Variants in PHLDB2 observed in about 807,000 individuals in gnomAD.
The protein encoded by PHLDB2 is pleckstrin homology-like domain family B member 2.
PHLDB2 carries 71 observed loss-of-function variants against 123.6 expected under a neutral mutation model. That is an observed-to-expected ratio of 0.57 (90% CI 0.47 to 0.70). The LOEUF is 0.70. Ranked by LOEUF, PHLDB2 falls within the 30% of genes least tolerant of loss-of-function variation. The pLI is 0.00. For synonymous variants in PHLDB2, 547 were observed against 541.6 expected (o/e 1.01, Z -0.14); for missense variants, 1,446 against 1,519.5 (o/e 0.95, Z 0.80).
chr3:111,873,269 T>C (rs775152214), intron 1 of PHLDB2, among the ~76,000 whole-genome samples: 3 of 152,232 alleles, frequency 2.0e-5, no homozygotes, highest in Non-Finnish European at 4.4e-5. Flanking sequence ...TCATAGTTTC[T>C]GGTTTTTAGA....
chr3:111,859,261 C>T, upstream of PHLDB2: 1 of 985,522 alleles, frequency 1.0e-6, no homozygotes, highest in Non-Finnish European at 1.2e-6. Flanking sequence ...CCACGAAAGT[C>T]CCTACTGCGT....
intron 1 of PHLDB2, among the ~76,000 whole-genome samples, chr3:111,749,454 T>G (rs138843782): frequency 1.8e-4 from 27 of 152,360 alleles, no homozygotes; most frequent in African/African-American, 6.3e-4. Context: ...AAGATTTGTA[T>G]GTTTTGTTGG....
At chr3:111,757,923 G>A (rs368345868) in intron 1 of PHLDB2, among the ~76,000 whole-genome samples, 10 of 152,254 alleles carry the variant, frequency 6.6e-5, no homozygotes, top group East Asian at 1.9e-4. Context: ...GTGAATTTTC[G>A]TGAACCGCGA....
rs2070520289 is a variant in PHLDB2, at chr3:111,949,086, A to G, written c.2631+11A>G. On this transcript the variant is annotated intron_variant, in intron 10 of 17. Transcript: ENST00000431670. ...CCACAGAGTAAAGAGGTGTGTAGGC[A>G]TGACGTTTCATTCATTCACTGCTTT... The G allele has an allele frequency of 6.2e-7, 1 of 1,612,852 alleles. No individual in the cohort carries two copies. Among genetic ancestry groups the G allele is most frequent in the Non-Finnish European group, 8.5e-7 (1 of 1,179,680 alleles).
chr3:111,961,482 G>A (rs4682067), intron 12 of PHLDB2, among the ~76,000 whole-genome samples: 34,424 of 152,114 alleles, frequency 0.23, 4,225 homozygotes, highest in Middle Eastern at 0.34. Context: ...GAGGAGCACA[G>A]TCATTGGAAG....
chr3:111,912,657 T>G (rs1441829804), intron 2 of PHLDB2, among the ~76,000 whole-genome samples: 1 of 152,260 alleles, frequency 6.6e-6, no homozygotes, highest in East Asian at 1.9e-4. Flanking sequence ...GCTGTTTTTC[T>G]CTTTGTGTGT....
chr3:111,839,819 A>G (rs1262814901), intron 1 of PHLDB2, among the ~76,000 whole-genome samples: 1 of 151,768 alleles, frequency 6.6e-6, no homozygotes, highest in Non-Finnish European at 1.5e-5. Flanking sequence ...AAAAATATGC[A>G]TTATCATTTC....
chr3:111,970,894 A>T (rs2072131522), intron 16 of PHLDB2, among the ~76,000 whole-genome samples: 1 of 152,198 alleles, frequency 6.6e-6, no homozygotes. Context: ...AGGTCAGGTT[A>T]TGTTTATAAG....
chr3:111,771,699 T>A (rs1489851512), intron 1 of PHLDB2, among the ~76,000 whole-genome samples: 4 of 152,182 alleles, frequency 2.6e-5, no homozygotes, highest in Non-Finnish European at 5.9e-5. Flanking sequence ...GTGTCCAAAT[T>A]TCTCCTTTGT....
chr3:111,967,849 A>T, intron 15 of PHLDB2, 25 bp downstream of exon 15: 1 of 1,585,412 alleles, frequency 6.3e-7, no homozygotes, highest in Non-Finnish European at 8.6e-7. Flanking sequence ...CTGAATGCAT[A>T]TGGGCAGGTT....
At chr3:111,795,827 C>A (rs1247047845) in intron 1 of PHLDB2, among the ~76,000 whole-genome samples, 1 of 152,128 alleles carries the variant, frequency 6.6e-6, no homozygotes, top group African/African-American at 2.4e-5. Context: ...CGGGATCAAG[C>A]GATTTTCCTG....
chr3:111,809,041 C>T (rs1168146620), intron 1 of PHLDB2, among the ~76,000 whole-genome samples: 1 of 152,084 alleles, frequency 6.6e-6, no homozygotes, highest in African/African-American at 2.4e-5. Flanking sequence ...TCTATACTTT[C>T]CAGAAGGAAC....
At chr3:111,850,526 T>C (rs563736998) in intron 2 of PHLDB2, among the ~76,000 whole-genome samples, 1 of 152,324 alleles carries the variant, frequency 6.6e-6, no homozygotes, top group African/African-American at 2.4e-5. Flanking sequence ...ATAACCATAC[T>C]AAGATGAAGC....
chr3:111,959,506 C>T (rs2071262543), intron 12 of PHLDB2, among the ~76,000 whole-genome samples: 1 of 152,186 alleles, frequency 6.6e-6, no homozygotes, highest in African/African-American at 2.4e-5. Flanking sequence ...ATGTAAAATG[C>T]TTATCCTACC....
intron 1 of PHLDB2, among the ~76,000 whole-genome samples, chr3:111,780,559 T>G (rs2060436093): frequency 6.6e-6 from 1 of 151,760 alleles, no homozygotes; most frequent in Admixed American, 6.6e-5. Flanking sequence ...TAAATCTGTT[T>G]TCTTTATAAA....
chr3:111,855,001 G>C (rs571851153), upstream of PHLDB2, among the ~76,000 whole-genome samples: 1 of 152,160 alleles, frequency 6.6e-6, no homozygotes, highest in Non-Finnish European at 1.5e-5. Flanking sequence ...CCAGGGGCAG[G>C]ATTTAAGGTA....
chr3:111,880,418 C>T (rs961954638), intron 1 of PHLDB2, among the ~76,000 whole-genome samples: 1 of 152,170 alleles, frequency 6.6e-6, no homozygotes, highest in African/African-American at 2.4e-5. Flanking sequence ...CAGTTTCTTA[C>T]TGGCAAAGTA....
intron 1 of PHLDB2, among the ~76,000 whole-genome samples, chr3:111,798,967 A>G (rs1223839713): frequency 2.0e-5 from 3 of 152,158 alleles, no homozygotes; most frequent in Non-Finnish European, 4.4e-5. Flanking sequence ...CAGCATGGCT[A>G]GGGAGGCCCT....
chr3:111,892,695 G>A lies in PHLDB2; in HGVS notation c.1335+7283G>A, dbSNP rs925765070. Among the ~76,000 whole-genome samples, 26 of 152,082 alleles carry A rather than the reference G, an allele frequency of 1.7e-4. 1 individual carries two copies. Among genetic ancestry groups the A allele is most frequent in the African/African-American group, 5.8e-4 (24 of 41,406 alleles). ...TGAAAGAGTTATTTTTCTTTACTTTGAAGATTTTCTAGCATTCTTTGTAAG... is the reference window on the plus strand; with the variant it reads ...TGAAAGAGTTATTTTTCTTTACTTTAAAGATTTTCTAGCATTCTTTGTAAG... On this transcript the variant is annotated intron_variant, in intron 2 of 17. Transcript: ENST00000431670.
Sources: allele counts gnomAD v4.1 joint callset (sites outside exome capture counted in the v4.1 genomes callset), GRCh38; gene constraint gnomAD v4.1.1; transcripts MANE v1.5; gene names NCBI Gene and HGNC (gene_info 2026-07-23, HGNC 2026-07-21).